Variants in PHC2 observed in about 807,000 individuals in gnomAD.
PHC2 encodes the protein polyhomeotic homolog 2.
Under a neutral mutation model 87.4 loss-of-function variants are expected in PHC2, and 29 were observed. The observed-to-expected ratio is 0.33, with a 90% CI of 0.25 to 0.45. PHC2 has a LOEUF of 0.45. Among genes scored for constraint, PHC2 ranks in the 20% least tolerant of loss-of-function variants. The probability of loss-of-function intolerance (pLI) is 1.00; values close to 1 mark genes in which losing one functional copy is unlikely to be tolerated. For synonymous variants in PHC2, 438 were observed against 461.7 expected (o/e 0.95, Z 0.66); for missense variants, 857 against 1,136.7 (o/e 0.75, Z 3.54).
intron 1 of PHC2, among the ~76,000 whole-genome samples, chr1:33,389,849 C>A (rs1042065849): frequency 6.6e-6 from 1 of 152,096 alleles, no homozygotes; most frequent in Non-Finnish European, 1.5e-5. Context: ...GTATTTCTAA[C>A]CTGTTCCCTA....
In PHC2 at chr1:33,330,144, C is replaced by A; in HGVS notation, c.2075G>T (p.Gly692Val). 1 of 1,614,206 alleles carries A rather than the reference C, an allele frequency of 6.2e-7. No homozygotes were observed. The highest frequency in any genetic ancestry group is 1.1e-5 in the South Asian group (1 of 91,090). Reference protein sequence around the residue: ...HSDRSKLQKAGAATHNRRRAS... With the variant: ...HSDRSKLQKAVAATHNRRRAS... Reference sequence around the variant, plus strand: ...CCGACGGCGGTTGTGGGTCGCAGCTCCTGCCTTCTGCAGCTTGCTCCGGTC... The same window carrying A: ...CCGACGGCGGTTGTGGGTCGCAGCTACTGCCTTCTGCAGCTTGCTCCGGTC... Residue 692 changes from glycine (G) to valine (V), a missense_variant, in exon 13 of 15, where the codon GGA becomes GTA. Gly to Val is a moderately radical substitution (Grantham distance 109). This residue lies in a region of PHC2 where 832 missense variants were observed against 1,081.8 expected (regional missense o/e 0.77). Coordinates refer to ENST00000683057, the MANE Select transcript of PHC2 (RefSeq NM_001385109.1).
At chr1:33,430,418 G>A (rs1650860393) in intron 1 of PHC2, among the ~76,000 whole-genome samples, 1 of 152,158 alleles carries the variant, frequency 6.6e-6, no homozygotes, top group African/African-American at 2.4e-5. Context: ...GCTTGACTCT[G>A]GGCCGAAAGT....
Position 33,334,376 on chromosome 1 carries a change from T to G in PHC2, c.1559-84A>C. ...AGGGAGGGACAGCAAGGACTCAAAC[T>G]GCGCCCGGCTTTTACCGTGGGGCCA... On this transcript the variant is annotated intron_variant, in intron 9 of 14. Transcript: ENST00000683057. This position sits in a 1 kb window ranked among gnomAD's most constrained non-coding sequence, Gnocchi z 5.5. The G allele has an allele frequency of 7.9e-7, 1 of 1,261,976 alleles. No individual in the cohort carries two copies. Among genetic ancestry groups the G allele is most frequent in the South Asian group, 1.3e-5 (1 of 78,084 alleles). 78.2% of individuals were successfully genotyped at this position (1,261,976 alleles called of 1,614,324 possible).
chr1:33,376,850 A>T (rs1648211121), intron 1 of PHC2, among the ~76,000 whole-genome samples: 1 of 152,116 alleles, frequency 6.6e-6, no homozygotes, highest in South Asian at 2.1e-4. Flanking sequence ...AATCACTTGA[A>T]CCCAGGAGAC....
chr1:33,391,401 C>G (rs1360432473), intron 1 of PHC2, among the ~76,000 whole-genome samples: 3 of 152,210 alleles, frequency 2.0e-5, no homozygotes, highest in Non-Finnish European at 4.4e-5. Flanking sequence ...TACATGTACT[C>G]AGAAAGGGGA....
chr1:33,331,549 TC>T lies in PHC2; in HGVS notation c.1892-88del. ...CCCACCACGGGGCCTCCCTACTCCATCCTGCCTGGTCCTCCTGCTCCCACAG... is the reference window on the plus strand; with the variant it reads ...CCCACCACGGGGCCTCCCTACTCCATCTGCCTGGTCCTCCTGCTCCCACAG... On this transcript the variant is annotated intron_variant, in intron 11 of 14. Transcript: ENST00000683057. This position sits in a 1 kb window ranked among gnomAD's most constrained non-coding sequence, Gnocchi z 5.2. 1.4e-6 allele frequency: 1 copy of T among 716,486 alleles called. No homozygotes were observed. Among genetic ancestry groups the T allele is most frequent in the Non-Finnish European group, 2.5e-6 (1 of 400,594 alleles). 44.4% of individuals were successfully genotyped at this position (716,486 alleles called of 1,614,324 possible).
At chr1:33,370,615 T>C (rs563327751) in intron 4 of PHC2, 30 bp from the exon 5 acceptor site, 40 of 1,590,306 alleles carry the variant, frequency 2.5e-5, no homozygotes, top group African/African-American at 2.1e-4. Flanking sequence ...CGGTAGGAGA[T>C]AGGAGGTTCT....
At chr1:33,408,448 T>TG (rs112564135) in intron 1 of PHC2, among the ~76,000 whole-genome samples, 31,860 of 151,472 alleles carry the variant, frequency 0.21, 5,668 homozygotes, top group African/African-American at 0.49. Context: ...TTTAGTAGTT[T>TG]TTTTGTTTTG....
intron 14 of PHC2, among the ~76,000 whole-genome samples, chr1:33,328,378 A>ATTTTTT (rs10631917): frequency 7.5e-6 from 1 of 133,682 alleles, no homozygotes; most frequent in Admixed American, 7.6e-5. Flanking sequence ...TCTTAATTAA[A>ATTTTTT]TTTTTTTTTT....
At chr1:33,337,401 G>A (rs1222862518) in intron 9 of PHC2, among the ~76,000 whole-genome samples, 6 of 152,198 alleles carry the variant, frequency 3.9e-5, no homozygotes, top group East Asian at 3.9e-4. Context: ...AGTTATCCTC[G>A]TTCTGTTCCT....
intron 10 of PHC2, chr1:33,333,352 A>G (rs1402694773): frequency 6.6e-6 from 1 of 152,326 alleles, no homozygotes; most frequent in African/African-American, 2.4e-5. Flanking sequence ...TATCCCAGAA[A>G]GGTGTCTTCT....
rs1317702063 is a variant in PHC2, at chr1:33,368,553, G to T, written c.646C>A (p.Pro216Thr). ...PELGTGSPAR[P>T]PTPAQVQNLT... ...GTCCTCACCTGGGCGGGGGTGGGGG[G>T]CCGGGCGGGGGAGCCAGTGCCGAGC... Residue 216 changes from proline (P) to threonine (T), a missense_variant, in exon 6 of 15, where the codon CCC becomes ACC. This residue lies in a region of PHC2 where 832 missense variants were observed against 1,081.8 expected (regional missense o/e 0.77). Coordinates refer to ENST00000683057, the MANE Select transcript of PHC2 (RefSeq NM_001385109.1). This position sits in a 1 kb window ranked among gnomAD's most constrained non-coding sequence, Gnocchi z 6.6. 6.5e-7 allele frequency: 1 copy of T among 1,538,114 alleles called. No individual in the cohort carries two copies. Among genetic ancestry groups the T allele is most frequent in the Non-Finnish European group, 8.8e-7 (1 of 1,138,312 alleles).
chr1:33,351,862 G>A (rs1358241113), intron 9 of PHC2, among the ~76,000 whole-genome samples: 1 of 149,226 alleles, frequency 6.7e-6, no homozygotes, highest in African/African-American at 2.5e-5. Context: ...TGAGGCAGGA[G>A]AGTCACTTGA....
intron 1 of PHC2, among the ~76,000 whole-genome samples, chr1:33,411,890 T>C (rs952693375): frequency 1.3e-5 from 2 of 152,118 alleles, no homozygotes; most frequent in African/African-American, 2.4e-5. Context: ...GGAAAATCAT[T>C]TGACAAAATT....
intron 1 of PHC2, among the ~76,000 whole-genome samples, chr1:33,396,236 C>T (rs929837788): frequency 6.6e-6 from 1 of 152,122 alleles, no homozygotes; most frequent in Non-Finnish European, 1.5e-5. Context: ...GCTCCATTTC[C>T]CCATGGTGGG....
intron 9 of PHC2, among the ~76,000 whole-genome samples, chr1:33,342,433 A>G (rs1570461082): frequency 6.6e-6 from 1 of 152,208 alleles, no homozygotes; most frequent in South Asian, 2.1e-4. Flanking sequence ...TAAAGTGTAC[A>G]TAAGCTGAAT....
rs1448669113 is a variant in PHC2, at chr1:33,406,355, TTC to T, written c.-55+24619_-55+24620del. Reference sequence around the variant, plus strand: ...CTTTACTATCTTTTCATTTTTAACTTTCTGTTTACTTACATCAGGATTTCTCC... The same window carrying T: ...CTTTACTATCTTTTCATTTTTAACTTTGTTTACTTACATCAGGATTTCTCC... On this transcript the variant is annotated intron_variant, in intron 1 of 14. Coordinates refer to ENST00000683057, the MANE Select transcript of PHC2 (RefSeq NM_001385109.1). Among the ~76,000 whole-genome samples, 3 of 152,332 alleles carry T rather than the reference TTC, an allele frequency of 2.0e-5. No homozygotes were observed. In the South Asian group the frequency reaches 6.2e-4, roughly 32 times the overall value.
intron 1 of PHC2, among the ~76,000 whole-genome samples, chr1:33,426,865 A>T (rs751010724): frequency 4.6e-5 from 7 of 152,206 alleles, no homozygotes; most frequent in African/African-American, 1.7e-4. Flanking sequence ...AACTGGGTAT[A>T]TAATTTGTGG....
At chr1:33,425,937 A>C (rs1177218604) in intron 1 of PHC2, among the ~76,000 whole-genome samples, 6 of 152,242 alleles carry the variant, frequency 3.9e-5, no homozygotes, top group Non-Finnish European at 8.8e-5. Context: ...GGGAGGAGGC[A>C]ACACAATCTC....
Sources: allele counts gnomAD v4.1 joint callset (sites outside exome capture counted in the v4.1 genomes callset), GRCh38; gene constraint gnomAD v4.1.1; regional missense constraint gnomAD v4.1.1; non-coding constraint Gnocchi (gnomAD v3.1); transcripts MANE v1.5; gene names NCBI Gene and HGNC (gene_info 2026-07-23, HGNC 2026-07-21).